The following CYLC1 variants were observed in gnomAD, a reference collection of about 807,000 sequenced individuals.
CYLC1 encodes cylicin-1.
A neutral mutation model predicts 31.6 loss-of-function variants in CYLC1; 2 were observed. The ratio of observed to expected loss-of-function variants is 0.06; its 90% CI spans 0.03 to 0.20. CYLC1 has a LOEUF of 0.20. Ranked by LOEUF, CYLC1 falls within the 10% of genes least tolerant of loss-of-function variation. The pLI is 1.00. For missense variants in CYLC1, 595 were observed against 424.1 expected (o/e 1.40, Z -3.54); for synonymous variants, 185 against 153.0 (o/e 1.21, Z -1.54).
chrX:83,868,751 T>C (rs1312381647), intron 1 of CYLC1, among the ~76,000 whole-genome samples: 2 of 111,445 alleles, frequency 1.8e-5, no homozygotes, highest in Non-Finnish European at 3.8e-5. Context: ...TTAGTTATGT[T>C]TCTTTGTATC....
rs1424747020 is a variant in CYLC1 at position 83,886,619 on chromosome X, T to A, written c.*35T>A. On this transcript the variant is annotated 3_prime_UTR_variant, in exon 5 of 5. Coordinates refer to ENST00000329312, the MANE Select transcript of CYLC1 (RefSeq NM_021118.3). Reference sequence around the variant, plus strand: ...GAGCACTTGGTTTCACAGAATGGCCTTACCACAGTAAGCACCACCTACTCT... The same window carrying A: ...GAGCACTTGGTTTCACAGAATGGCCATACCACAGTAAGCACCACCTACTCT... 1 of 1,136,328 alleles carries A rather than the reference T, an allele frequency of 8.8e-7. No homozygotes were observed. Among genetic ancestry groups the A allele is most frequent in the African/African-American group, 1.8e-5 (1 of 55,674 alleles). The allele number at this position is 1,136,328 out of a possible 1,213,427, so 93.6% of individuals were successfully genotyped here. A position where few individuals can be genotyped will look rare whatever the true frequency, so the allele number is the denominator to read the frequency against.
rs766872542 is a variant in CYLC1, at chrX:83,861,168, G to A, written c.-15G>A. ...CTTACTATGCTCAAGTCCAGGCAAC[G>A]TACAGGCAGGGGAAATGTCTCTTCC... On this transcript the variant is annotated 5_prime_UTR_variant, in exon 1 of 5. Transcript: ENST00000329312. The A allele has an allele frequency of 1.0e-5, 12 of 1,197,807 alleles. No homozygotes were observed. The Admixed American group carries it at 2.0e-4, about 20-fold the overall frequency.
intron 4 of CYLC1, among the ~76,000 whole-genome samples, chrX:83,875,071 G>A (rs761985896): frequency 9.0e-6 from 1 of 111,217 alleles, no homozygotes. Flanking sequence ...CATAGCAGGT[G>A]GAATACATGC....
intron 4 of CYLC1, among the ~76,000 whole-genome samples, 193 bp downstream of exon 4, chrX:83,874,824 G>A (rs769271115): frequency 2.7e-4 from 30 of 110,869 alleles, no homozygotes; most frequent in African/African-American, 9.1e-4. Flanking sequence ...ATAAATTTAA[G>A]AGAATAGAAA....
At chrX:83,883,088 C>T (rs1411928797) in intron 4 of CYLC1, among the ~76,000 whole-genome samples, 1 of 110,639 alleles carries the variant, frequency 9.0e-6, no homozygotes, top group Non-Finnish European at 1.9e-5. Flanking sequence ...CTGCCTTATG[C>T]CTTCATTTAT....
intron 4 of CYLC1, among the ~76,000 whole-genome samples, chrX:83,883,550 CTAAA>C (rs1457328504): frequency 9.0e-6 from 1 of 111,678 alleles, no homozygotes; most frequent in East Asian, 2.8e-4. Flanking sequence ...GTTGTCCTCT[CTAAA>C]TAAAATAACC....
chrX:83,875,792 TA>T (rs890642091), intron 4 of CYLC1, among the ~76,000 whole-genome samples: 30 of 111,300 alleles, frequency 2.7e-4, no homozygotes, highest in African/African-American at 9.4e-4. Context: ...TGGTTGGGTG[TA>T]ACTCATTTAC....
chrX:83,886,350 T>C (rs1219151172), intron 4 of CYLC1, among the ~76,000 whole-genome samples: 1 of 110,902 alleles, frequency 9.0e-6, no homozygotes, highest in African/African-American at 3.3e-5. Context: ...AGACTATATC[T>C]TCCCAGATTT....
rs746561026 is a variant in CYLC1, at chrX:83,874,334, T to A, written c.1626T>A (p.Asp542Glu). The change falls in exon 4 of 5, where the codon GAT (aspartate) becomes GAA (glutamate). Residue 542 changes from aspartate to glutamate, a missense_variant. Physicochemically the swap from Asp to Glu is conservative, Grantham distance 45 (BLOSUM62 2). Transcript: ENST00000329312. ...CATCTACAAAAATCAAAGGTTCAGATACTGAATCTGAAGAGTCACTATATA... is the reference window on the plus strand; with the variant it reads ...CATCTACAAAAATCAAAGGTTCAGAAACTGAATCTGAAGAGTCACTATATA... Reference protein sequence around the residue: ...FKTSTKIKGSDTESEESLYKP... With the variant: ...FKTSTKIKGSETESEESLYKP... 8.3e-7 allele frequency: 1 copy of A among 1,209,608 alleles called. No individual in the cohort carries two copies. The highest frequency in any genetic ancestry group is 1.8e-5 in the South Asian group (1 of 56,850).
intron 1 of CYLC1, among the ~76,000 whole-genome samples, chrX:83,862,617 C>A (rs751751299): frequency 2.7e-5 from 3 of 112,495 alleles, no homozygotes; most frequent in African/African-American, 9.7e-5. Context: ...CCAAAGTGAG[C>A]GTCTCAAATC....
rs777864535 is a variant in CYLC1, at chrX:83,874,150, C to G, written c.1442C>G (p.Ala481Gly). The change falls in exon 4 of 5, where the codon GCA becomes GGA. Residue 481 changes from alanine to glycine, a missense_variant. Transcript: ENST00000329312. ...AAAAAGAAGGATGCAAAGAAAAATGCAGAATCTACTGAAATGGAATCTGAT... is the reference window on the plus strand; with the variant it reads ...AAAAAGAAGGATGCAAAGAAAAATGGAGAATCTACTGAAATGGAATCTGAT... ...DDKKKDAKKN[A>G]ESTEMESDLE... The G allele has an allele frequency of 8.3e-7, 1 of 1,199,593 alleles. No individual in the cohort carries two copies. The highest frequency in any genetic ancestry group is 1.1e-6 in the Non-Finnish European group (1 of 890,861).
intron 4 of CYLC1, among the ~76,000 whole-genome samples, chrX:83,875,475 C>A (rs2031744673): frequency 9.0e-6 from 1 of 111,621 alleles, no homozygotes; most frequent in Non-Finnish European, 1.9e-5. Flanking sequence ...CTGGGGAGGT[C>A]TCTCAATCAT....
intron 2 of CYLC1, 106 bp from the exon 3 acceptor site, chrX:83,871,346 T>C: frequency 2.0e-6 from 1 of 496,173 alleles, no homozygotes; most frequent in Non-Finnish European, 3.2e-6. Context: ...TATTTTAATG[T>C]ATAACTTAGT....
rs1398576229 is a variant in CYLC1, at chrX:83,873,312, G to T, written c.604G>T (p.Asp202Tyr). Residue 202 changes from aspartate to tyrosine, a missense_variant, in exon 4 of 5, where the codon GAT becomes TAT. Physicochemically the swap from Asp to Tyr is radical, Grantham distance 160 (BLOSUM62 -3). Coordinates refer to ENST00000329312, the MANE Select transcript of CYLC1 (RefSeq NM_021118.3). ...AAATTGTTCACAAAAAGATAAGAAA[G>T]ATTCAAAGAATTCCAAGAAGACAAA... The part of the protein sequence containing the change: ...SKNCSQKDKK[D>Y]SKNSKKTNTE... 1 of 1,201,116 alleles carries T rather than the reference G, an allele frequency of 8.3e-7. No individual in the cohort carries two copies. The highest frequency in any genetic ancestry group is 1.8e-5 in the African/African-American group (1 of 56,616).
intron 4 of CYLC1, among the ~76,000 whole-genome samples, chrX:83,880,311 A>T (rs1443101356): frequency 8.9e-6 from 1 of 112,015 alleles, no homozygotes; most frequent in East Asian, 2.8e-4. Flanking sequence ...TTTAACAGGG[A>T]CTAAAACAAA....
intron 1 of CYLC1, among the ~76,000 whole-genome samples, chrX:83,863,971 A>T (rs1027505368): frequency 8.9e-6 from 1 of 111,819 alleles, no homozygotes; most frequent in Admixed American, 9.5e-5. Flanking sequence ...TCTCTCTCCT[A>T]GTCTGACTGT....
Position 83,861,177 on chromosome X carries a change from G to A in CYLC1, c.-6G>A. 8.3e-7 allele frequency: 1 copy of A among 1,201,343 alleles called. No homozygotes were observed. Among genetic ancestry groups the A allele is most frequent in the Non-Finnish European group, 1.1e-6 (1 of 888,610 alleles). On this transcript the variant is annotated 5_prime_UTR_variant, in exon 1 of 5. Transcript: ENST00000329312. ...CTCAAGTCCAGGCAACGTACAGGCA[G>A]GGGAAATGTCTCTTCCAAGGTTGTA... is the stretch of plus-strand genomic sequence containing the variant.
intron 1 of CYLC1, among the ~76,000 whole-genome samples, chrX:83,868,178 A>C (rs1421807168): frequency 9.0e-6 from 1 of 111,349 alleles, no homozygotes; most frequent in East Asian, 2.8e-4. Flanking sequence ...CAACTATATT[A>C]AAAAATTGCA....
At chrX:83,878,898 C>G (rs773229666) in intron 4 of CYLC1, among the ~76,000 whole-genome samples, 1 of 103,252 alleles carries the variant, frequency 9.7e-6, no homozygotes, top group East Asian at 3.0e-4. Flanking sequence ...TGGCTTTTCT[C>G]CTTTTCTCCT....
Sources: allele counts gnomAD v4.1 joint callset (sites outside exome capture counted in the v4.1 genomes callset), GRCh38; gene constraint gnomAD v4.1.1; transcripts MANE v1.5; gene names NCBI Gene and HGNC (gene_info 2026-07-23, HGNC 2026-07-21).